Variants in MARK2 observed in about 807,000 individuals in gnomAD.
MARK2 encodes serine/threonine-protein kinase MARK2.
MARK2 carries 16 observed loss-of-function variants against 89.8 expected under a neutral mutation model. That is an observed-to-expected ratio of 0.18 (90% CI 0.12 to 0.27). The LOEUF (loss-of-function observed/expected upper bound fraction) is 0.27, where lower values mean the gene tolerates loss of function less well. MARK2 is among the 10% of genes least tolerant of loss of function. MARK2 has a pLI of 1.00. For missense variants in MARK2, 621 were observed against 1,049.9 expected (o/e 0.59, Z 5.65); for synonymous variants, 382 against 399.5 (o/e 0.96, Z 0.52).
chr11:63,862,125 G>A (rs189289648), intron 1 of MARK2, among the ~76,000 whole-genome samples: 5 of 151,536 alleles, frequency 3.3e-5, no homozygotes, highest in Middle Eastern at 3.4e-3. Flanking sequence ...CGGTTTTACC[G>A]TGTTGGCCAG....
chr11:63,841,486 T>G (rs1453313432), intron 1 of MARK2, among the ~76,000 whole-genome samples: 3 of 152,208 alleles, frequency 2.0e-5, no homozygotes, highest in Non-Finnish European at 2.9e-5. Context: ...CTCGCAGTCT[T>G]TCTCTCCCTT....
intron 3 of MARK2, among the ~76,000 whole-genome samples, chr11:63,897,578 G>A (rs947677598): frequency 1.3e-5 from 2 of 152,210 alleles, no homozygotes; most frequent in African/African-American, 2.4e-5. Context: ...TCTGGCCCCC[G>A]CAGAGGGGAA....
rs777343588 is a variant in MARK2 at position 63,900,153 on chromosome 11, C to T, written c.768+43C>T. 9.6e-6 allele frequency: 14 copies of T among 1,456,518 alleles called. 2 individuals are homozygous for T. The South Asian group carries it at 1.5e-4, about 15-fold the overall frequency. The allele number at this position is 1,456,518 out of a possible 1,614,324, so 90.2% of individuals were successfully genotyped here. ...CTTTTTATTGCTTCTCATTTCCTCT[C>T]GGCCTCTGGTCTTAGCCCTGACCTC... On this transcript the variant is annotated intron_variant, in intron 8 of 18. Transcript: ENST00000402010. This position sits in a 1 kb window ranked among gnomAD's most constrained non-coding sequence, Gnocchi z 4.7.
intron 1 of MARK2, among the ~76,000 whole-genome samples, chr11:63,891,070 T>TTG (rs374538402): frequency 2.3e-4 from 35 of 151,520 alleles, no homozygotes; most frequent in South Asian, 1.0e-3. Flanking sequence ...TTGTGTTTGT[T>TTG]TGTGTGTGTG....
intron 1 of MARK2, among the ~76,000 whole-genome samples, chr11:63,842,206 A>G (rs925790708): frequency 6.7e-6 from 1 of 149,030 alleles, no homozygotes; most frequent in Non-Finnish European, 1.5e-5. Context: ...TTCCAGACAG[A>G]TTCCTGTATT....
At chr11:63,908,818 C>T in intron 18 of MARK2, 59 bp from the exon 19 acceptor site, 1 of 1,412,024 alleles carries the variant, frequency 7.1e-7, no homozygotes, top group Non-Finnish European at 9.3e-7. Context: ...GCCAGGGTGG[C>T]TCTCCTGGGG....
chr11:63,869,651 A>G (rs1205369121), intron 1 of MARK2, among the ~76,000 whole-genome samples: 1 of 152,154 alleles, frequency 6.6e-6, no homozygotes, highest in East Asian at 1.9e-4. Flanking sequence ...GCTACTGCTT[A>G]GTACCCTGAT....
At chr11:63,844,192 C>A (rs1276725431) in intron 1 of MARK2, among the ~76,000 whole-genome samples, 2 of 152,220 alleles carry the variant, frequency 1.3e-5, no homozygotes, top group African/African-American at 4.8e-5. Context: ...AGAATAATTT[C>A]TCTCTGGTCA....
Position 63,902,929 on chromosome 11 carries a change from T to A in MARK2, c.1417-132T>A. On this transcript the variant is annotated intron_variant, in intron 13 of 18. Transcript: ENST00000402010. The surrounding 1 kb of genome is among the most constrained non-coding windows in gnomAD (Gnocchi z 4.2). ...CTCGCTCCCAGCAGTAAATGCAGAA[T>A]CCTTTCCTTAACCTACCACTGTCTG... 1.9e-6 allele frequency: 2 copies of A among 1,051,274 alleles called. No individual in the cohort carries two copies. The highest frequency in any genetic ancestry group is 1.5e-6 in the Non-Finnish European group (1 of 689,488). 65.1% of individuals were successfully genotyped at this position (1,051,274 alleles called of 1,614,324 possible).
At chr11:63,850,665 C>T (rs1279057677) in intron 1 of MARK2, among the ~76,000 whole-genome samples, 1 of 152,082 alleles carries the variant, frequency 6.6e-6, no homozygotes, top group Non-Finnish European at 1.5e-5. Context: ...GATGTGCAGC[C>T]TCATCCGTGG....
At chr11:63,905,117 T>TG (rs1292383831) in intron 16 of MARK2, 74 bp downstream of exon 16, 2 of 421,430 alleles carry the variant, frequency 4.7e-6, no homozygotes, top group Non-Finnish European at 4.7e-6. Flanking sequence ...GGTTGGGGGT[T>TG]GGGGGTTGGG....
At position 63,846,678 on chromosome 11, in the gene MARK2, C is replaced by T. The variant is rs377754518; in HGVS notation, c.54+7118C>T. 1.4e-3 allele frequency among the ~76,000 whole-genome samples: 204 copies of T among 141,982 alleles called. 1 individual carries two copies. The highest frequency in any genetic ancestry group is 5.1e-3 in the African/African-American group (192 of 37,364). The allele number at this position is 141,982 out of a possible 152,430, so 93.1% of individuals were successfully genotyped here. ...AAAAATTTTTTTTTTTTTTTTGAGA[C>T]GTTGTCTTGCCCTGTCGCCCAGGCT... On this transcript the variant is annotated intron_variant, in intron 1 of 18. Transcript: ENST00000402010.
At chr11:63,879,652 A>G (rs1215088637) in intron 1 of MARK2, among the ~76,000 whole-genome samples, 1 of 151,934 alleles carries the variant, frequency 6.6e-6, no homozygotes, top group African/African-American at 2.4e-5. Flanking sequence ...GCTTGCTTCT[A>G]GAAAGATTGG....
At chr11:63,884,817 G>A (rs1420896157) in intron 1 of MARK2, among the ~76,000 whole-genome samples, 2 of 152,204 alleles carry the variant, frequency 1.3e-5, no homozygotes, top group African/African-American at 4.8e-5. Context: ...GATAGCGATA[G>A]TTGCTCAGAA....
intron 1 of MARK2, among the ~76,000 whole-genome samples, chr11:63,893,154 T>C (rs1004632391): frequency 3.0e-4 from 45 of 151,162 alleles, no homozygotes; most frequent in Non-Finnish European, 3.4e-4. Context: ...CCTCAAGCAA[T>C]CCACCTGCCT....
At chr11:63,842,809 G>C (rs918770848) in intron 1 of MARK2, among the ~76,000 whole-genome samples, 23 of 151,980 alleles carry the variant, frequency 1.5e-4, no homozygotes, top group Non-Finnish European at 3.4e-4. Flanking sequence ...AACACCACTG[G>C]TTGTCTCCAG....
At chr11:63,862,560 GTGGGAGCAGCTTTC>G (rs1052513948) in intron 1 of MARK2, among the ~76,000 whole-genome samples, 3 of 152,158 alleles carry the variant, frequency 2.0e-5, no homozygotes, top group African/African-American at 7.2e-5. Context: ...TGTGGATGGA[GTGGGAGCAGCTTTC>G]TGGGCTCACC....
chr11:63,891,169 G>T (rs1413377880), intron 1 of MARK2, among the ~76,000 whole-genome samples: 1 of 151,400 alleles, frequency 6.6e-6, no homozygotes, highest in Admixed American at 6.6e-5. Flanking sequence ...TGAACAGCAG[G>T]TCTTGAACTC....
At chr11:63,858,458 A>AT (rs1201962678) in intron 1 of MARK2, among the ~76,000 whole-genome samples, 3 of 152,172 alleles carry the variant, frequency 2.0e-5, no homozygotes, top group Admixed American at 2.0e-4. Flanking sequence ...GGTTCAAGTG[A>AT]TTCTCCTGCC....
Sources: gnomAD v4.1 joint callset for allele counts (sites outside exome capture counted in the v4.1 genomes callset) on GRCh38, gnomAD v4.1.1 for gene constraint, Gnocchi (gnomAD v3.1) non-coding constraint, MANE v1.5 for transcripts, NCBI Gene and HGNC (gene_info 2026-07-23, HGNC 2026-07-21) for gene names.